Variants in ACOT7 observed in about 807,000 individuals in gnomAD.
ACOT7 encodes acyl-CoA thioesterase 7, also known as cytosolic acyl coenzyme A thioester hydrolase.
ACOT7 carries 12 observed loss-of-function variants against 40.2 expected under a neutral mutation model. The ratio of observed to expected loss-of-function variants is 0.30; its 90% CI spans 0.19 to 0.48. The LOEUF (loss-of-function observed/expected upper bound fraction) is 0.48, where lower values mean the gene tolerates loss of function less well. Among genes scored for constraint, ACOT7 ranks in the 20% least tolerant of loss-of-function variants. The probability of loss-of-function intolerance (pLI) is 0.99; values close to 1 mark genes in which losing one functional copy is unlikely to be tolerated. For missense variants in ACOT7, 395 were observed against 530.8 expected (o/e 0.74, Z 2.51); for synonymous variants, 228 against 219.5 (o/e 1.04, Z -0.34).
At chr1:6,379,943 G>A (rs1005255775) in intron 1 of ACOT7, among the ~76,000 whole-genome samples, 1 of 151,778 alleles carries the variant, frequency 6.6e-6, no homozygotes, top group Non-Finnish European at 1.5e-5. Flanking sequence ...GTGCACACCT[G>A]TAGTCCTAGC....
At chr1:6,333,352 C>G in intron 4 of ACOT7, 125 bp downstream of exon 4, 1 of 1,071,420 alleles carries the variant, frequency 9.3e-7, no homozygotes, top group Non-Finnish European at 1.4e-6. Context: ...GACCTGGCCC[C>G]CTGTGCCCTA....
intron 8 of ACOT7, among the ~76,000 whole-genome samples, chr1:6,280,029 C>A (rs1360172823): frequency 6.6e-6 from 1 of 152,210 alleles, no homozygotes; most frequent in Non-Finnish European, 1.5e-5. Flanking sequence ...CAAATGCTTG[C>A]GGATCTGCGT....
intron 8 of ACOT7, among the ~76,000 whole-genome samples, chr1:6,270,159 G>T (rs1638987038): frequency 6.6e-6 from 1 of 152,238 alleles, no homozygotes; most frequent in Admixed American, 6.5e-5. Context: ...GTCCCGCTGG[G>T]TGAGAAGCTG....
intron 2 of ACOT7, among the ~76,000 whole-genome samples, chr1:6,345,134 C>G (rs577633154): frequency 5.3e-5 from 8 of 152,340 alleles, no homozygotes; most frequent in Admixed American, 3.9e-4. Flanking sequence ...CTCGGATGAG[C>G]CCCACACCTC....
chr1:6,292,686 GT>G (rs58177155), intron 7 of ACOT7, among the ~76,000 whole-genome samples: 22,948 of 136,852 alleles, frequency 0.17, 2,018 homozygotes, highest in African/African-American at 0.27. Flanking sequence ...GTTTTTTTGT[GT>G]TTTTTTTTTT....
chr1:6,297,728 T>C (rs1035376945), intron 6 of ACOT7, among the ~76,000 whole-genome samples: 3 of 152,184 alleles, frequency 2.0e-5, no homozygotes, highest in African/African-American at 7.2e-5. Flanking sequence ...GATAGCGCTA[T>C]TGTGGGTGTT....
At chr1:6,303,809 A>G (rs1640038122) in intron 6 of ACOT7, among the ~76,000 whole-genome samples, 1 of 152,070 alleles carries the variant, frequency 6.6e-6, no homozygotes, top group Non-Finnish European at 1.5e-5. Flanking sequence ...AGGAATATTC[A>G]CTAAGTGGTT....
rs1025479733 is a variant in ACOT7 at position 6,289,220 on chromosome 1, C to T, written c.829+5644G>A. On this transcript the variant is annotated intron_variant, in intron 7 of 8. Transcript: ENST00000361521. The surrounding 1 kb of genome is among the most constrained non-coding windows in gnomAD (Gnocchi z 4.6). Reference sequence around the variant, plus strand: ...GTTCAAGCGATTCTCCTACCTCAGCCCCCCGAGTAGCTGGGATTACAGGCG... The same window carrying T: ...GTTCAAGCGATTCTCCTACCTCAGCTCCCCGAGTAGCTGGGATTACAGGCG... 6.6e-6 allele frequency among the ~76,000 whole-genome samples: 1 copy of T among 151,722 alleles called. No individual in the cohort carries two copies. Among genetic ancestry groups the T allele is most frequent in the Non-Finnish European group, 1.5e-5 (1 of 68,036 alleles).
At chr1:6,320,888 C>T (rs959542234) in intron 5 of ACOT7, among the ~76,000 whole-genome samples, 3 of 152,260 alleles carry the variant, frequency 2.0e-5, no homozygotes, top group Admixed American at 6.5e-5. Context: ...CGTGTTTACA[C>T]GCAATTCTTC....
At chr1:6,296,127 C>G (rs1354795710) in intron 6 of ACOT7, among the ~76,000 whole-genome samples, 3 of 151,958 alleles carry the variant, frequency 2.0e-5, no homozygotes, top group African/African-American at 7.3e-5. Flanking sequence ...AACTCCTGGA[C>G]TGAAACGATC....
At chr1:6,295,634 C>G (rs1639792719) in intron 6 of ACOT7, 1 of 152,214 alleles carries the variant, frequency 6.6e-6, no homozygotes, top group Non-Finnish European at 1.5e-5. Flanking sequence ...AGGAATGAAG[C>G]TTGAAAACGC....
chr1:6,359,193 C>G lies in ACOT7; in HGVS notation c.144-9327G>C. On this transcript the variant is annotated intron_variant, in intron 1 of 8. Coordinates refer to ENST00000361521, the MANE Select transcript of ACOT7 (RefSeq NM_007274.4). This position sits in a 1 kb window ranked among gnomAD's most constrained non-coding sequence, Gnocchi z 4.1. ...AAGCGGCTATGAGGCTCTGCCTTCT[C>G]TGACAGGGCACAAGACCCCCTAGTC... is the stretch of plus-strand genomic sequence containing the variant. 1 of 230,378 alleles carries G rather than the reference C, an allele frequency of 4.3e-6. No homozygotes were observed. The highest frequency in any genetic ancestry group is 5.4e-5 in the Admixed American group (1 of 18,656). The allele number at this position is 230,378 out of a possible 1,614,324, so 14.3% of individuals were successfully genotyped here. A position where few individuals can be genotyped will look rare whatever the true frequency, so the allele number is the denominator to read the frequency against.
Position 6,264,454 on chromosome 1 carries a change from G to T in ACOT7, c.*143C>A, listed in dbSNP as rs887690572. 7.3e-6 allele frequency: 5 copies of T among 683,940 alleles called. No homozygotes were observed. Among genetic ancestry groups the T allele is most frequent in the Non-Finnish European group, 1.2e-5 (5 of 405,812 alleles). 42.4% of individuals were successfully genotyped at this position (683,940 alleles called of 1,614,324 possible). The stretch of plus-strand genomic sequence containing the variant: ...TGTAGGTTTGCAGGAGAGAGTACAG[G>T]TTAACACTGTGATACGAAAACTTCA... On this transcript the variant is annotated 3_prime_UTR_variant, in exon 9 of 9. Transcript: ENST00000361521.
chr1:6,348,633 C>T (rs974456856), intron 2 of ACOT7, among the ~76,000 whole-genome samples: 3 of 152,198 alleles, frequency 2.0e-5, no homozygotes, highest in African/African-American at 7.2e-5. Flanking sequence ...CATCTATGAA[C>T]CAGGAAACAA....
chr1:6,344,763 C>CAAAAAA (rs58594477), intron 2 of ACOT7, among the ~76,000 whole-genome samples: 16 of 56,024 alleles, frequency 2.9e-4, no homozygotes, highest in Non-Finnish European at 6.0e-4. Context: ...GACTCTGTCT[C>CAAAAAA]AAAAAAAAAA....
intron 3 of ACOT7, 139 bp downstream of exon 3, chr1:6,339,294 G>T: frequency 8.2e-7 from 1 of 1,220,322 alleles, no homozygotes. Context: ...GCTGCTCCCA[G>T]GGCCATGGTG....
At chr1:6,319,958 G>A (rs940116222) in intron 5 of ACOT7, among the ~76,000 whole-genome samples, 1 of 152,216 alleles carries the variant, frequency 6.6e-6, no homozygotes, top group Non-Finnish European at 1.5e-5. Flanking sequence ...TGGCCCTCTG[G>A]CCAGGCCCAT....
intron 7 of ACOT7, among the ~76,000 whole-genome samples, chr1:6,292,892 T>C (rs796246807): frequency 3.4e-5 from 5 of 146,628 alleles, no homozygotes; most frequent in African/African-American, 1.2e-4. Context: ...TCTTTTTCTT[T>C]TTTTTTTTTT....
rs1211827030 is a variant in ACOT7 at position 6,278,120 on chromosome 1, G to A, written c.1014+2982C>T. ...GGAGGGGGTCTGGGGTGGCGGAGGCGACGCTTCTCTAGAGCGGTTGTGGGT... is the reference window on the plus strand; with the variant it reads ...GGAGGGGGTCTGGGGTGGCGGAGGCAACGCTTCTCTAGAGCGGTTGTGGGT... On this transcript the variant is annotated intron_variant, in intron 8 of 8. Coordinates refer to ENST00000361521, the MANE Select transcript of ACOT7 (RefSeq NM_007274.4). The surrounding 1 kb of genome is among the most constrained non-coding windows in gnomAD (Gnocchi z 4.1). Among the ~76,000 whole-genome samples, 2 of 152,094 alleles carry A rather than the reference G, an allele frequency of 1.3e-5. No homozygotes were observed. Among genetic ancestry groups the A allele is most frequent in the Admixed American group, 6.5e-5 (1 of 15,276 alleles).
Sources: allele counts gnomAD v4.1 joint callset (sites outside exome capture counted in the v4.1 genomes callset), GRCh38; gene constraint gnomAD v4.1.1; non-coding constraint Gnocchi (gnomAD v3.1); transcripts MANE v1.5; gene names NCBI Gene and HGNC (gene_info 2026-07-23, HGNC 2026-07-21).